The following CCDC60 variants were observed in gnomAD, a reference collection of about 807,000 sequenced individuals.
CCDC60 encodes coiled-coil domain containing 60.
In CCDC60, 54 loss-of-function variants were observed where a neutral mutation model predicts 63.5. The ratio of observed to expected loss-of-function variants is 0.85; its 90% CI spans 0.68 to 1.07. The LOEUF is 1.07. Ranked by LOEUF, CCDC60 falls within the 50% of genes least tolerant of loss-of-function variation. CCDC60 has a pLI of 0.00. For synonymous variants in CCDC60, 206 were observed against 238.8 expected (o/e 0.86, Z 1.27); for missense variants, 651 against 684.3 (o/e 0.95, Z 0.54).
At position 119,479,153 on chromosome 12, in the gene CCDC60, C is replaced by T. The variant is rs1951244498; in HGVS notation, c.401C>T (p.Thr134Ile). The change falls in exon 4 of 14, where the codon ACT becomes ATT. Residue 134 changes from threonine (T) to isoleucine (I), a missense_variant. Coordinates refer to ENST00000327554, the MANE Select transcript of CCDC60 (RefSeq NM_178499.5). Reference sequence around the variant, plus strand: ...GCTAGAGTCACACGTCGCCCATTCACTCCCATCCACAGCTGCATCATTTCT... The same window carrying T: ...GCTAGAGTCACACGTCGCCCATTCATTCCCATCCACAGCTGCATCATTTCT... ...LGARVTRRPF[T>I]PIHSCIISPS... is the part of the protein sequence containing the mutation. 2 of 1,614,092 alleles carry T rather than the reference C, an allele frequency of 1.2e-6. No individual in the cohort carries two copies. Among genetic ancestry groups the T allele is most frequent in the Non-Finnish European group, 1.7e-6 (2 of 1,179,970 alleles).
chr12:119,410,808 T>C lies in CCDC60; in HGVS notation c.91-17875T>C, dbSNP rs1956583960. On this transcript the variant is annotated intron_variant, in intron 1 of 13. Coordinates refer to ENST00000327554, the MANE Select transcript of CCDC60 (RefSeq NM_178499.5). The surrounding 1 kb of genome is among the most constrained non-coding windows in gnomAD (Gnocchi z 4.0). ...CTCGGGCTGCAGTGCGGTGGCGCGA[T>C]CTCAGCTCACTGCAGCCTCTGCCTC... 6.6e-6 allele frequency among the ~76,000 whole-genome samples: 1 copy of C among 152,156 alleles called. No individual in the cohort carries two copies. Among genetic ancestry groups the C allele is most frequent in the Non-Finnish European group, 1.5e-5 (1 of 68,036 alleles).
At chr12:119,399,680 C>T (rs1593030700) in intron 1 of CCDC60, among the ~76,000 whole-genome samples, 1 of 152,178 alleles carries the variant, frequency 6.6e-6, no homozygotes, top group African/African-American at 2.4e-5. Flanking sequence ...GCTCTGAAGA[C>T]AGGGGGGAAG....
At chr12:119,527,796 T>A (rs1022640931) in intron 11 of CCDC60, among the ~76,000 whole-genome samples, 1 of 150,366 alleles carries the variant, frequency 6.7e-6, no homozygotes, top group Non-Finnish European at 1.5e-5. Flanking sequence ...CCCGCCTCAG[T>A]CTCCCGAGTA....
chr12:119,344,569 T>C (rs564036209), intron 1 of CCDC60, among the ~76,000 whole-genome samples: 4 of 152,198 alleles, frequency 2.6e-5, no homozygotes, highest in Non-Finnish European at 5.9e-5. Context: ...ACTGTACTTT[T>C]TACCTTCCAT....
At chr12:119,422,607 A>G (rs776183923) in intron 1 of CCDC60, among the ~76,000 whole-genome samples, 3 of 152,192 alleles carry the variant, frequency 2.0e-5, no homozygotes, top group African/African-American at 4.8e-5. Flanking sequence ...CACTATTGAA[A>G]GGACAGCACC....
At chr12:119,429,168 G>T (rs77675573) in intron 2 of CCDC60, among the ~76,000 whole-genome samples, 1 of 152,270 alleles carries the variant, frequency 6.6e-6, no homozygotes, top group East Asian at 1.9e-4. Context: ...AACTCTCTGG[G>T]ACTCTTTTTC....
In CCDC60 at chr12:119,418,386, C is replaced by CTTTTTTTTT. The variant is rs556783132; in HGVS notation, c.91-10259_91-10251dup. ...TCTTTCTTTTTCCTTTTCTTTCTTT[C>CTTTTTTTTT]TTTTTTTTTTTTTTTTTTTTTTTTT... On this transcript the variant is annotated intron_variant, in intron 1 of 13. Coordinates refer to ENST00000327554, the MANE Select transcript of CCDC60 (RefSeq NM_178499.5). 7.6e-4 allele frequency among the ~76,000 whole-genome samples: 50 copies of CTTTTTTTTT among 65,742 alleles called. 9 individuals carry two copies. The highest frequency in any genetic ancestry group is 1.0e-3 in the Non-Finnish European group (38 of 37,240). 43.1% of individuals were successfully genotyped at this position (65,742 alleles called of 152,430 possible). A position where few individuals can be genotyped will look rare whatever the true frequency, so the allele number is the denominator to read the frequency against.
At chr12:119,489,186 T>C (rs1199713602) in intron 5 of CCDC60, among the ~76,000 whole-genome samples, 3 of 152,238 alleles carry the variant, frequency 2.0e-5, no homozygotes, top group African/African-American at 7.2e-5. Flanking sequence ...AGCACATCAC[T>C]GGATCCACAG....
chr12:119,530,291 C>A (rs553628911), intron 12 of CCDC60, among the ~76,000 whole-genome samples: 1 of 150,226 alleles, frequency 6.7e-6, no homozygotes, highest in East Asian at 2.0e-4. Context: ...AAGAGATCTA[C>A]CAGCCTTAAA....
intron 1 of CCDC60, among the ~76,000 whole-genome samples, chr12:119,357,280 T>C (rs1955727644): frequency 1.3e-5 from 2 of 152,360 alleles, no homozygotes; most frequent in African/African-American, 2.4e-5. Context: ...TATTTTTAAA[T>C]GTACAATACA....
intron 2 of CCDC60, among the ~76,000 whole-genome samples, chr12:119,452,821 T>TTTG (rs1555244721): frequency 1.3e-5 from 2 of 151,866 alleles, no homozygotes; most frequent in Admixed American, 6.6e-5. Flanking sequence ...CTTGTTTTTT[T>TTTG]TTTGTTTGTT....
intron 2 of CCDC60, among the ~76,000 whole-genome samples, chr12:119,451,134 C>T (rs1017097721): frequency 2.6e-5 from 4 of 152,134 alleles, no homozygotes; most frequent in African/African-American, 9.7e-5. Flanking sequence ...AAGGTCCAGC[C>T]AACGTGAAGG....
At chr12:119,421,714 A>G (rs1367470069) in intron 1 of CCDC60, among the ~76,000 whole-genome samples, 1 of 152,108 alleles carries the variant, frequency 6.6e-6, no homozygotes, top group Non-Finnish European at 1.5e-5. Context: ...GGAAACTGAG[A>G]CTGGGGAGTA....
At chr12:119,498,995 T>C (rs1342976721) in intron 5 of CCDC60, among the ~76,000 whole-genome samples, 7 of 152,228 alleles carry the variant, frequency 4.6e-5, no homozygotes, top group Admixed American at 4.6e-4. Flanking sequence ...AAATTGGACT[T>C]GAAGCTACTT....
At chr12:119,368,087 G>A (rs1955860439) in intron 1 of CCDC60, among the ~76,000 whole-genome samples, 1 of 150,150 alleles carries the variant, frequency 6.7e-6, no homozygotes, top group Non-Finnish European at 1.5e-5. Context: ...GAAGGAGGAG[G>A]GGGAGGAGGA....
intron 2 of CCDC60, 21 bp downstream of exon 2, chr12:119,428,783 A>G (rs750346553): frequency 2.0e-6 from 3 of 1,526,218 alleles, no homozygotes; most frequent in East Asian, 2.3e-5. Flanking sequence ...CCAGCAGGGA[A>G]TGATCCATAG....
In CCDC60 at chr12:119,340,710, C is replaced by G. The variant is rs1395625506; in HGVS notation, c.90+5444C>G. On this transcript the variant is annotated intron_variant, in intron 1 of 13. Coordinates refer to ENST00000327554, the MANE Select transcript of CCDC60 (RefSeq NM_178499.5). ...CAGCACAATACGTTTCCATGGCAAA[C>G]ATAAAACGATTTTCCTCCTTGTCCA... Among the ~76,000 whole-genome samples the G allele has an allele frequency of 3.0e-4, 45 of 152,140 alleles. 1 individual carries two copies. The highest frequency in any genetic ancestry group is 8.8e-5 in the Non-Finnish European group (6 of 68,024).
At chr12:119,433,742 A>C in intron 2 of CCDC60, 1 of 613,434 alleles carries the variant, frequency 1.6e-6, no homozygotes, top group Non-Finnish European at 2.9e-6. Flanking sequence ...ATTTTTGTTT[A>C]ATATTTTAGC....
intron 6 of CCDC60, among the ~76,000 whole-genome samples, chr12:119,500,749 G>A (rs1043342574): frequency 1.3e-5 from 2 of 152,110 alleles, no homozygotes; most frequent in African/African-American, 4.8e-5. Flanking sequence ...AGGTATTAGG[G>A]AGGCTGAAGT....
Sources: gnomAD v4.1 joint callset for allele counts (sites outside exome capture counted in the v4.1 genomes callset) on GRCh38, gnomAD v4.1.1 for gene constraint, Gnocchi (gnomAD v3.1) non-coding constraint, MANE v1.5 for transcripts, NCBI Gene and HGNC (gene_info 2026-07-23, HGNC 2026-07-21) for gene names.